The following CWH43 variants were observed in gnomAD, a reference collection of about 807,000 sequenced individuals.
CWH43 encodes the protein PGAP2-interacting protein.
CWH43 carries 91 observed loss-of-function variants against 85.7 expected under a neutral mutation model. The observed-to-expected ratio is 1.06, with a 90% CI of 0.90 to 1.26. The LOEUF (loss-of-function observed/expected upper bound fraction) is 1.26, where lower values mean the gene tolerates loss of function less well. Among genes scored for constraint, CWH43 ranks in the 50% most tolerant of loss-of-function variants. CWH43 has a pLI of 0.00. For synonymous variants in CWH43, 323 were observed against 293.6 expected (o/e 1.10, Z -1.02); for missense variants, 869 against 839.2 (o/e 1.04, Z -0.44).
chr4:49,009,748 C>G (rs1783292289), intron 8 of CWH43, among the ~76,000 whole-genome samples: 1 of 151,996 alleles, frequency 6.6e-6, no homozygotes, highest in Non-Finnish European at 1.5e-5. Flanking sequence ...TGGTTTTTGT[C>G]TTTGGTTCTG....
At chr4:48,989,398 T>C (rs1782587350) in intron 2 of CWH43, among the ~76,000 whole-genome samples, 1 of 152,180 alleles carries the variant, frequency 6.6e-6, no homozygotes. Context: ...GCACAACCTC[T>C]ATGAAGAACA....
chr4:48,988,640 G>T lies in CWH43; in HGVS notation c.207G>T (p.Met69Ile). The change falls in exon 2 of 16, where the codon ATG becomes ATT. Residue 69 changes from methionine (M) to isoleucine (I), a missense_variant. Met to Ile is a conservative substitution (Grantham distance 10). Coordinates refer to ENST00000226432, the MANE Select transcript of CWH43 (RefSeq NM_025087.3). ...GGAAATTGGTTAACAAGAAGTGGAT[G>T]CTAACCCTGCTGAGGATAATCACTA... Reference protein sequence around the residue: ...PFWKLVNKKWMLTLLRIITIG... With the variant: ...PFWKLVNKKWILTLLRIITIG... The T allele has an allele frequency of 6.2e-7, 1 of 1,610,682 alleles. No individual in the cohort carries two copies. The highest frequency in any genetic ancestry group is 8.5e-7 in the Non-Finnish European group (1 of 1,178,328).
At position 49,030,880 on chromosome 4, in the gene CWH43, C is replaced by G; in HGVS notation, c.1428C>G (p.Asn476Lys). The G allele has an allele frequency of 6.2e-7, 1 of 1,609,874 alleles. No individual in the cohort carries two copies. Among genetic ancestry groups the G allele is most frequent in the Non-Finnish European group, 8.5e-7 (1 of 1,178,458 alleles). The change falls in exon 11 of 16, where the codon AAC (asparagine) becomes AAG (lysine). Residue 476 changes from asparagine to lysine, a missense_variant. Asn to Lys is a moderately conservative substitution (Grantham distance 94, BLOSUM62 0). Around this residue, in one of 3 missense-constraint regions of CWH43, gnomAD observed 577 missense variants for 513.1 expected, o/e 1.12. Coordinates refer to ENST00000226432, the MANE Select transcript of CWH43 (RefSeq NM_025087.3). ...ATGCTTCTAAGCCCTATATGGGGAA[C>G]AATGACTTAACCATGTGGCTAGGGG... Reference protein sequence around the residue: ...ESDASKPYMGNNDLTMWLGEK... With the variant: ...ESDASKPYMGKNDLTMWLGEK...
intron 9 of CWH43, among the ~76,000 whole-genome samples, chr4:49,028,167 T>C (rs1783978046): frequency 6.6e-6 from 1 of 152,240 alleles, no homozygotes; most frequent in African/African-American, 2.4e-5. Flanking sequence ...CAATATTTTT[T>C]TCTATATGAC....
At chr4:49,045,670 T>C (rs772520402) in intron 14 of CWH43, among the ~76,000 whole-genome samples, 1 of 152,212 alleles carries the variant, frequency 6.6e-6, no homozygotes, top group Non-Finnish European at 1.5e-5. Context: ...GTATGCACTA[T>C]GATGTCCACA....
intron 8 of CWH43, chr4:49,016,755 C>G (rs774329751): frequency 1.1e-4 from 87 of 777,900 alleles, no homozygotes; most frequent in Non-Finnish European, 1.6e-4. Context: ...GCCAGCTTCC[C>G]TTGCATCTAG....
intron 15 of CWH43, among the ~76,000 whole-genome samples, chr4:49,057,040 T>C (rs73152004): frequency 1.3e-5 from 2 of 152,230 alleles, no homozygotes; most frequent in Non-Finnish European, 2.9e-5. Context: ...CTTGAATTTG[T>C]TAAGGCTTGT....
chr4:49,017,236 T>C lies in CWH43; in HGVS notation c.1187-13T>C, dbSNP rs1783578579. 1 of 1,598,164 alleles carries C rather than the reference T, an allele frequency of 6.3e-7. No homozygotes were observed. The highest frequency in any genetic ancestry group is 8.5e-7 in the Non-Finnish European group (1 of 1,173,166). On this transcript the variant is annotated splice_polypyrimidine_tract_variant and intron_variant, in intron 8 of 15. Transcript: ENST00000226432. ...ATTTTAAAAAAACCCAATTATTTCTTTTTTCTGTTTAGTTCTGTGGCTGCT... is the reference window on the plus strand; with the variant it reads ...ATTTTAAAAAAACCCAATTATTTCTCTTTTCTGTTTAGTTCTGTGGCTGCT...
chr4:48,998,402 T>C, intron 5 of CWH43, 58 bp from the exon 6 acceptor site: 1 of 1,295,000 alleles, frequency 7.7e-7, no homozygotes, highest in Admixed American at 1.7e-5. Context: ...CTATTTTATA[T>C]TCGGGATGAT....
chr4:49,032,647 C>T lies in CWH43; in HGVS notation c.1590C>T (p.Ala530=). ...CACCAGAGGGCGAGATCGCACCAGC[C>T]ATCACATTGACCGTTAACATTTCGG... ...LPSPEGEIAP[A]ITLTVNISGK... The change falls in exon 12 of 16, where the codon GCC becomes GCT. Residue 530 remains alanine, a synonymous_variant. Transcript: ENST00000226432. 6.2e-7 allele frequency: 1 copy of T among 1,613,980 alleles called. No homozygotes were observed. Among genetic ancestry groups the T allele is most frequent in the South Asian group, 1.1e-5 (1 of 91,076 alleles).
intron 9 of CWH43, among the ~76,000 whole-genome samples, chr4:49,026,835 G>A (rs1403220830): frequency 6.6e-6 from 1 of 152,172 alleles, no homozygotes; most frequent in East Asian, 1.9e-4. Flanking sequence ...TGTGAATTGT[G>A]CTGCTGTAAA....
At chr4:49,059,153 C>A (rs776879729) in intron 15 of CWH43, among the ~76,000 whole-genome samples, 1 of 151,974 alleles carries the variant, frequency 6.6e-6, no homozygotes, top group Non-Finnish European at 1.5e-5. Flanking sequence ...CTTTTTCATT[C>A]TTTTTTCTAT....
intron 9 of CWH43, among the ~76,000 whole-genome samples, chr4:49,022,274 G>T (rs1783773691): frequency 6.6e-6 from 1 of 152,126 alleles, no homozygotes; most frequent in Non-Finnish European, 1.5e-5. Flanking sequence ...GCTGGATATT[G>T]TCAACTGCTT....
chr4:49,016,154 CAT>C (rs1168359904), intron 8 of CWH43, among the ~76,000 whole-genome samples: 2 of 152,120 alleles, frequency 1.3e-5, no homozygotes, highest in Non-Finnish European at 2.9e-5. Flanking sequence ...TTGATGTACA[CAT>C]GTCACACATG....
intron 2 of CWH43, among the ~76,000 whole-genome samples, chr4:48,989,881 C>T (rs533237483): frequency 1.3e-5 from 2 of 152,224 alleles, no homozygotes; most frequent in African/African-American, 2.4e-5. Context: ...AAGTTTCCTA[C>T]CCTTAACTGA....
chr4:48,986,567 A>G, intron 1 of CWH43, 95 bp downstream of exon 1: 3 of 1,534,336 alleles, frequency 2.0e-6, no homozygotes, highest in Non-Finnish European at 2.6e-6. Context: ...GAGTTCAGGT[A>G]GGAGGAAAAG....
intron 11 of CWH43, 143 bp from the exon 12 acceptor site, chr4:49,032,423 A>G (rs1384610752): frequency 4.8e-6 from 4 of 837,340 alleles, no homozygotes; most frequent in African/African-American, 1.7e-5. Flanking sequence ...ACTGCCATAT[A>G]AGTCTCTGCC....
At chr4:49,007,670 C>T (rs1170577221) in intron 8 of CWH43, among the ~76,000 whole-genome samples, 3 of 151,976 alleles carry the variant, frequency 2.0e-5, no homozygotes, top group Non-Finnish European at 4.4e-5. Flanking sequence ...GTTCCCCGCC[C>T]TGTGTCCGTG....
chr4:49,017,374 A>T (rs145481328), intron 9 of CWH43, 46 bp downstream of exon 9: 1 of 1,303,762 alleles, frequency 7.7e-7, no homozygotes, highest in South Asian at 1.3e-5. Flanking sequence ...TGGTATATAT[A>T]TGTGCATATA....
Sources: gnomAD v4.1 joint callset for allele counts (sites outside exome capture counted in the v4.1 genomes callset) on GRCh38, gnomAD v4.1.1 for gene constraint, gnomAD v4.1.1 regional missense constraint, MANE v1.5 for transcripts, NCBI Gene and HGNC (gene_info 2026-07-23, HGNC 2026-07-21) for gene names.